The following SDF4 variants were observed in gnomAD, a reference collection of about 807,000 sequenced individuals.
SDF4 encodes 45 kDa calcium-binding protein.
A neutral mutation model predicts 34.2 loss-of-function variants in SDF4; 22 were observed. The observed-to-expected ratio is 0.64, with a 90% CI of 0.46 to 0.92. The LOEUF (loss-of-function observed/expected upper bound fraction) is 0.92. Ranked by LOEUF, SDF4 falls within the 40% of genes least tolerant of loss-of-function variation. The pLI is 0.00. For synonymous variants in SDF4, 236 were observed against 203.1 expected (o/e 1.16, Z -1.38); for missense variants, 447 against 499.9 (o/e 0.89, Z 1.01).
In SDF4 at chr1:1,218,828, T is replaced by A. The variant is rs1191821136; in HGVS notation, c.656A>T (p.His219Leu). ...GAGCATTCCCCGGCTGTGCTCGGGG[T>A]GGAGGAACGACAGGAACTCCTCCTC... ...LTEEEFLSFL[H>L]PEHSRGMLRF... The change falls in exon 5 of 7, where the codon CAC becomes CTC. Residue 219 changes from histidine to leucine, a missense_variant. Transcript: ENST00000360001. This position sits in a 1 kb window ranked among gnomAD's most constrained non-coding sequence, Gnocchi z 7.9. 6.2e-7 allele frequency: 1 copy of A among 1,603,124 alleles called. No homozygotes were observed. The highest frequency in any genetic ancestry group is 8.5e-7 in the Non-Finnish European group (1 of 1,172,582).
chr1:1,220,841 G>A (rs1031680303), intron 4 of SDF4: 130 of 1,010,410 alleles, frequency 1.3e-4, no homozygotes, highest in African/African-American at 9.9e-4. Context: ...CCAACAGGCC[G>A]GACCAACGGG....
intron 2 of SDF4, 31 bp from the exon 3 acceptor site, chr1:1,223,999 C>A (rs1650143168): frequency 1.2e-6 from 2 of 1,605,340 alleles, no homozygotes; most frequent in African/African-American, 2.7e-5. Flanking sequence ...AGGTGGCCGT[C>A]AGACTGGGCC....
At chr1:1,220,707 C>T (rs1044224186) in intron 4 of SDF4, 2 of 1,289,100 alleles carry the variant, frequency 1.6e-6, no homozygotes, top group Non-Finnish European at 2.0e-6. Context: ...TGTCACAGAG[C>T]TCTAGGTCCA....
chr1:1,229,982 G>A (rs777383765), intron 1 of SDF4, among the ~76,000 whole-genome samples: 2 of 152,246 alleles, frequency 1.3e-5, no homozygotes, highest in Admixed American at 6.5e-5. Flanking sequence ...CCAAGGCCGA[G>A]GAGCCCAGAA....
rs1162495154 is a variant in SDF4, at chr1:1,217,272, A to T, written c.*240T>A. On this transcript the variant is annotated 3_prime_UTR_variant, in exon 7 of 7. Transcript: ENST00000360001. The surrounding 1 kb of genome is among the most constrained non-coding windows in gnomAD (Gnocchi z 8.5). ...ATGCCACGATTTCGAGGGACCAGGG[A>T]GGAGGCGGCGCCGCGGGGCCACAGC... 2 of 196,154 alleles carry T rather than the reference A, an allele frequency of 1.0e-5. No individual in the cohort carries two copies. The highest frequency in any genetic ancestry group is 4.7e-5 in the African/African-American group (2 of 42,354). 12.2% of individuals were successfully genotyped at this position (196,154 alleles called of 1,614,324 possible).
intron 4 of SDF4, chr1:1,219,402 G>A (rs543195708): frequency 2.1e-5 from 22 of 1,027,414 alleles, no homozygotes; most frequent in Admixed American, 1.0e-4. Context: ...ATGGGCCTGG[G>A]CCCCACCCCC....
In SDF4 at chr1:1,217,260, G is replaced by C. The variant is rs759469794; in HGVS notation, c.*252C>G. The C allele has an allele frequency of 5.3e-6, 1 of 188,990 alleles. No individual in the cohort carries two copies. 11.7% of individuals were successfully genotyped at this position (188,990 alleles called of 1,614,324 possible). A position where few individuals can be genotyped will look rare whatever the true frequency, so the allele number is the denominator to read the frequency against. ...CTCAGAAGTGAGATGCCACGATTTC[G>C]AGGGACCAGGGAGGAGGCGGCGCCG... On this transcript the variant is annotated 3_prime_UTR_variant, in exon 7 of 7. Transcript: ENST00000360001. This position sits in a 1 kb window ranked among gnomAD's most constrained non-coding sequence, Gnocchi z 8.5.
chr1:1,223,489 G>C, intron 3 of SDF4, 132 bp from the exon 4 acceptor site: 2 of 715,864 alleles, frequency 2.8e-6, no homozygotes, highest in South Asian at 1.8e-5. Flanking sequence ...CCAGGGCCCC[G>C]GCCAGCACCC....
chr1:1,223,775 C>T, intron 3 of SDF4, 57 bp downstream of exon 3: 1 of 1,128,536 alleles, frequency 8.9e-7, no homozygotes, highest in Non-Finnish European at 1.3e-6. Flanking sequence ...CCAGGCAAGG[C>T]CCATGGCCCT....
intron 3 of SDF4, 115 bp downstream of exon 3, chr1:1,223,717 C>G: frequency 1.9e-6 from 2 of 1,036,602 alleles, no homozygotes; most frequent in African/African-American, 1.6e-5. Flanking sequence ...CCGGCTGACA[C>G]TTCCCCACCG....
In SDF4 at chr1:1,228,747, A is replaced by G. The variant is rs369064571; in HGVS notation, c.26T>C (p.Ile9Thr). The stretch of plus-strand genomic sequence containing the variant: ...CCAGAGGCAGCACGGAGCCAGGCCA[A>G]TGAGGGGACCCCACCTGGACGCCAT... MASRWGPL[I>T]GLAPCCLWLL... is the part of the protein sequence containing the mutation. The change falls in exon 2 of 7, where the codon ATT (isoleucine) becomes ACT (threonine). Residue 9 changes from isoleucine to threonine, a missense_variant. Coordinates refer to ENST00000360001, the MANE Select transcript of SDF4 (RefSeq NM_016176.6). 32 of 1,611,800 alleles carry G rather than the reference A, an allele frequency of 2.0e-5. No individual in the cohort carries two copies. The highest frequency in any genetic ancestry group is 1.6e-4 in the African/African-American group (12 of 74,904).
In SDF4 at chr1:1,218,554, C is replaced by T. The variant is rs770023424; in HGVS notation, c.795G>A (p.Gln265=). The T allele has an allele frequency of 6.2e-7, 1 of 1,614,100 alleles. No individual in the cohort carries two copies. Among genetic ancestry groups the T allele is most frequent in the Non-Finnish European group, 8.5e-7 (1 of 1,179,954 alleles). The change falls in exon 6 of 7, where the codon CAG becomes CAA. Residue 265 remains glutamine, a synonymous_variant. Transcript: ENST00000360001. The surrounding 1 kb of genome is among the most constrained non-coding windows in gnomAD (Gnocchi z 7.9). The stretch of plus-strand genomic sequence containing the variant: ...CTTTCACCCAGTTGTCGTCAATGTC[C>T]TGGCCCTGCTGGTTCTCCACGGTGC... The part of the protein sequence containing the change: ...PVGTVENQQG[Q]DIDDNWVKDR...
chr1:1,220,830 G>T, intron 4 of SDF4: 1 of 1,111,638 alleles, frequency 9.0e-7, no homozygotes, highest in Non-Finnish European at 1.2e-6. Flanking sequence ...CAAGCACATC[G>T]CCAACAGGCC....
In SDF4 at chr1:1,219,601, C is replaced by T. The variant is rs189401229; in HGVS notation, c.557-674G>A. The T allele has an allele frequency of 9.5e-5, 94 of 987,168 alleles. No homozygotes were observed. The Middle Eastern group carries it at 2.1e-3, about 22-fold the overall frequency. 61.2% of individuals were successfully genotyped at this position (987,168 alleles called of 1,614,324 possible). On this transcript the variant is annotated intron_variant, in intron 4 of 6. Coordinates refer to ENST00000360001, the MANE Select transcript of SDF4 (RefSeq NM_016176.6). ...AGAGCTTCCCAGGAACCCTCCCAGC[C>T]GGGACACGGCACTGCCTCTGGGTGT...
intron 4 of SDF4, 196 bp from the exon 5 acceptor site, chr1:1,219,123 C>T: frequency 6.7e-7 from 1 of 1,496,412 alleles, no homozygotes; most frequent in South Asian, 1.3e-5. Flanking sequence ...AAGACATAAC[C>T]CAGAGCCTCC....
At chr1:1,223,019 A>G (rs1165160050) in intron 4 of SDF4, among the ~76,000 whole-genome samples, 1 of 151,324 alleles carries the variant, frequency 6.6e-6, no homozygotes, top group Non-Finnish European at 1.5e-5. Context: ...ACGCATACAC[A>G]TGTACTCACG....
rs1454660185 is a variant in SDF4 at position 1,228,617 on chromosome 1, T to G, written c.156A>C (p.Pro52=). Residue 52 remains proline (P), a synonymous_variant, in exon 2 of 7, where the codon CCA becomes CCC. Transcript: ENST00000360001. ...CCAGCTTCACCCCGTTCAGGTGGTC[T>G]GGGGGCAGGATCTCATTCTCCTCCC... ...ANREENEILP[P]DHLNGVKLEM... 2.5e-6 allele frequency: 4 copies of G among 1,613,258 alleles called. No individual in the cohort carries two copies. The South Asian group carries it at 3.3e-5, about 13-fold the overall frequency.
chr1:1,217,256 T>G lies in SDF4; in HGVS notation c.*256A>C. On this transcript the variant is annotated 3_prime_UTR_variant, in exon 7 of 7. Coordinates refer to ENST00000360001, the MANE Select transcript of SDF4 (RefSeq NM_016176.6). The surrounding 1 kb of genome is among the most constrained non-coding windows in gnomAD (Gnocchi z 8.5). ...CGTTCTCAGAAGTGAGATGCCACGA[T>G]TTCGAGGGACCAGGGAGGAGGCGGC... The G allele has an allele frequency of 1.6e-5, 3 of 184,098 alleles. No individual in the cohort carries two copies. Among genetic ancestry groups the G allele is most frequent in the East Asian group, 2.6e-4 (2 of 7,558 alleles). 11.4% of individuals were successfully genotyped at this position (184,098 alleles called of 1,614,324 possible). A position where few individuals can be genotyped will look rare whatever the true frequency, so the allele number is the denominator to read the frequency against.
intron 2 of SDF4, 48 bp from the exon 3 acceptor site, chr1:1,224,016 A>T (rs1268400952): frequency 1.9e-6 from 3 of 1,600,266 alleles, no homozygotes; most frequent in Non-Finnish European, 1.7e-6. Context: ...GGCCCCCAGG[A>T]CCCCGAACAG....
Sources: gnomAD v4.1 joint callset for allele counts (sites outside exome capture counted in the v4.1 genomes callset) on GRCh38, gnomAD v4.1.1 for gene constraint, Gnocchi (gnomAD v3.1) non-coding constraint, MANE v1.5 for transcripts, NCBI Gene and HGNC (gene_info 2026-07-23, HGNC 2026-07-21) for gene names.